RERE: variants seen among roughly 807,000 people sequenced by gnomAD.
The protein encoded by RERE is arginine-glutamic acid dipeptide repeats.
RERE carries 40 observed loss-of-function variants against 146.1 expected under a neutral mutation model. The observed-to-expected ratio is 0.27, with a 90% CI of 0.21 to 0.36. The LOEUF (loss-of-function observed/expected upper bound fraction) is 0.36. Ranked by LOEUF, RERE falls within the 10% of genes least tolerant of loss-of-function variation. The probability of loss-of-function intolerance (pLI) is 1.00; values close to 1 mark genes in which losing one functional copy is unlikely to be tolerated. For synonymous variants in RERE, 1,003 were observed against 866.0 expected (o/e 1.16, Z -2.78); for missense variants, 1,933 against 2,138.7 (o/e 0.90, Z 1.90).
intron 1 of RERE, among the ~76,000 whole-genome samples, chr1:8,760,496 G>A (rs894168923): frequency 5.9e-5 from 9 of 152,198 alleles, no homozygotes; most frequent in African/African-American, 1.9e-4. Flanking sequence ...ACCTGGTAGA[G>A]GTGTGAGAGA....
intron 12 of RERE, among the ~76,000 whole-genome samples, chr1:8,367,750 G>C (rs936713460): frequency 1.8e-4 from 27 of 152,170 alleles, no homozygotes; most frequent in South Asian, 4.1e-4. Context: ...CTAGGAATGC[G>C]AGCTACAACT....
At chr1:8,534,624 A>G (rs879841269) in intron 7 of RERE, among the ~76,000 whole-genome samples, 9 of 152,282 alleles carry the variant, frequency 5.9e-5, no homozygotes, top group Admixed American at 2.6e-4. Flanking sequence ...ATGAATAACA[A>G]CAGCAGCAGG....
At chr1:8,708,518 G>C (rs1639600888) in intron 1 of RERE, among the ~76,000 whole-genome samples, 1 of 152,016 alleles carries the variant, frequency 6.6e-6, no homozygotes. Flanking sequence ...GTAGAGATAG[G>C]GTTTCACCAT....
At chr1:8,545,982 CTTT>C (rs3050828) in intron 6 of RERE, among the ~76,000 whole-genome samples, 10,903 of 68,526 alleles carry the variant, frequency 0.16, 403 homozygotes, top group Middle Eastern at 0.39. Context: ...CATACCCAGT[CTTT>C]TTTTTTTTTT....
intron 8 of RERE, among the ~76,000 whole-genome samples, chr1:8,498,724 TAA>T (rs1557659458): frequency 7.1e-5 from 3 of 41,994 alleles, no homozygotes; most frequent in Non-Finnish European, 1.4e-4. Context: ...AAAAAAAAAA[TAA>T]ATATATACAC....
At chr1:8,774,947 CTTTCTTTTTTTTTTTTTT>C (rs1438172970) in intron 1 of RERE, among the ~76,000 whole-genome samples, 2 of 111,498 alleles carry the variant, frequency 1.8e-5, no homozygotes, top group African/African-American at 6.9e-5. Flanking sequence ...TTTCTTCTTT[CTTTCTTTTTTTTTTTTTT>C]TTTTTTTTTT....
At chr1:8,462,017 T>C (rs1644533768) in intron 11 of RERE, among the ~76,000 whole-genome samples, 1 of 152,092 alleles carries the variant, frequency 6.6e-6, no homozygotes. Flanking sequence ...GCTATTTTAT[T>C]ATGTTTTTAA....
intron 7 of RERE, 70 bp from the exon 8 acceptor site, chr1:8,508,745 A>T: frequency 8.1e-7 from 1 of 1,241,616 alleles, no homozygotes; most frequent in Non-Finnish European, 1.2e-6. Context: ...ACATTTTTCA[A>T]AAAAAGTAAT....
At chr1:8,396,739 T>A (rs1446460564) in intron 12 of RERE, among the ~76,000 whole-genome samples, 1 of 152,198 alleles carries the variant, frequency 6.6e-6, no homozygotes, top group Non-Finnish European at 1.5e-5. Context: ...ACATCTACAA[T>A]GCGTGCAGCC....
chr1:8,720,116 A>G (rs1040854075), intron 1 of RERE, among the ~76,000 whole-genome samples: 2 of 151,972 alleles, frequency 1.3e-5, no homozygotes, highest in African/African-American at 4.8e-5. Context: ...ATACAAAAAA[A>G]AAAAAATTTA....
intron 1 of RERE, among the ~76,000 whole-genome samples, chr1:8,697,899 T>G (rs1264639429): frequency 5.3e-5 from 8 of 152,168 alleles, no homozygotes; most frequent in Non-Finnish European, 1.0e-4. Context: ...AGGGAGTAGA[T>G]CTGGGTATTG....
At chr1:8,401,037 CCATATATATATATATATATATATAT>C (rs1643241397) in intron 12 of RERE, among the ~76,000 whole-genome samples, 2 of 5,616 alleles carry the variant, frequency 3.6e-4, no homozygotes, top group African/African-American at 7.2e-4. Flanking sequence ...AAAAAAAAAA[CCATATATATATATATATATATATAT>C]ATATATATAT....
intron 1 of RERE, among the ~76,000 whole-genome samples, chr1:8,780,268 TA>T (rs1427624714): frequency 6.6e-6 from 1 of 152,194 alleles, no homozygotes. Context: ...TGGCTGGTCT[TA>T]ATGAGACTGG....
chr1:8,589,146 A>C (rs1325652216), intron 4 of RERE, among the ~76,000 whole-genome samples: 1 of 151,438 alleles, frequency 6.6e-6, no homozygotes. Flanking sequence ...AACAAACAAA[A>C]ACTACTGACA....
intron 12 of RERE, among the ~76,000 whole-genome samples, chr1:8,419,639 G>A (rs1643867110): frequency 6.6e-6 from 1 of 152,142 alleles, no homozygotes; most frequent in Non-Finnish European, 1.5e-5. Context: ...AAGGTAGACA[G>A]GAAGAACAAT....
intron 4 of RERE, among the ~76,000 whole-genome samples, chr1:8,574,236 T>G (rs1646260155): frequency 6.6e-6 from 1 of 152,102 alleles, no homozygotes; most frequent in Non-Finnish European, 1.5e-5. Context: ...TCCCAGGTAC[T>G]CCTTTTGGTC....
At chr1:8,784,305 C>T (rs576519637) in intron 1 of RERE, among the ~76,000 whole-genome samples, 55 of 152,196 alleles carry the variant, frequency 3.6e-4, no homozygotes, top group Non-Finnish European at 6.9e-4. Flanking sequence ...ATTGCAACCA[C>T]CACCATCTTT....
intron 7 of RERE, among the ~76,000 whole-genome samples, chr1:8,536,323 G>A (rs1327581048): frequency 1.3e-5 from 2 of 152,042 alleles, no homozygotes; most frequent in Admixed American, 6.5e-5. Flanking sequence ...CACGGGACTA[G>A]AACCCAGGCC....
At chr1:8,586,209 T>C (rs1026864223) in intron 4 of RERE, among the ~76,000 whole-genome samples, 2 of 152,210 alleles carry the variant, frequency 1.3e-5, no homozygotes, top group Non-Finnish European at 2.9e-5. Context: ...TATTTTATAA[T>C]AGATTCAGAA....
Sources: gnomAD v4.1 joint callset for allele counts (sites outside exome capture counted in the v4.1 genomes callset) on GRCh38, gnomAD v4.1.1 for gene constraint, MANE v1.5 for transcripts, NCBI Gene and HGNC (gene_info 2026-07-23, HGNC 2026-07-21) for gene names.